CNBD1: variants seen among roughly 807,000 people sequenced by gnomAD.
CNBD1 encodes the protein cyclic nucleotide-binding domain-containing protein 1.
CNBD1 carries 71 observed loss-of-function variants against 54.4 expected under a neutral mutation model. The observed-to-expected ratio is 1.30, with a 90% CI of 1.08 to 1.59. CNBD1 has a LOEUF of 1.59. Ranked by LOEUF, CNBD1 falls within the 40% of genes most tolerant of loss-of-function variation. The pLI, the probability that CNBD1 is intolerant of heterozygous loss-of-function variation, is 0.00. For missense variants in CNBD1, 659 were observed against 518.0 expected, an observed-to-expected ratio of 1.27 and a Z score of -2.64; for synonymous variants, 182 against 170.7, an observed-to-expected ratio of 1.07 and a Z score of -0.51.
chr8:87,427,350 A>C (rs574965229), intron 2 of CNBD1, among the ~76,000 whole-genome samples: 1 of 152,180 alleles, frequency 6.6e-6, no homozygotes, highest in East Asian at 1.9e-4. Flanking sequence ...ATTAGTTTTC[A>C]AAATATTAAG....
chr8:87,158,143 A>C lies in CNBD1; in HGVS notation c.432-47850A>C, dbSNP rs185217586. On this transcript the variant is annotated intron_variant, in intron 4 of 10. Coordinates refer to ENST00000518476, the MANE Select transcript of CNBD1 (RefSeq NM_173538.3). ...AGAAGACACTCAATAAAGGGAGTCT[A>C]CCTTAGAGTTGAGCTGTCTTGAGTC... Among the ~76,000 whole-genome samples the C allele has an allele frequency of 1.8e-3, 279 of 152,258 alleles. 1 individual carries two copies. The highest frequency in any genetic ancestry group is 6.8e-3 in the Middle Eastern group (2 of 294).
At chr8:87,399,286 C>G (rs761586247) in intron 2 of CNBD1, among the ~76,000 whole-genome samples, 3 of 151,870 alleles carry the variant, frequency 2.0e-5, no homozygotes, top group Non-Finnish European at 1.5e-5. Flanking sequence ...CGTGAGGATA[C>G]CCAGCCATGG....
At chr8:86,908,529 T>A (rs927288806) in intron 3 of CNBD1, among the ~76,000 whole-genome samples, 19 of 152,170 alleles carry the variant, frequency 1.2e-4, no homozygotes, top group African/African-American at 4.6e-4. Context: ...GAGTTATGCA[T>A]TGAAAAAACT....
chr8:86,951,123 G>T (rs1253046517), intron 4 of CNBD1, among the ~76,000 whole-genome samples: 1 of 151,950 alleles, frequency 6.6e-6, no homozygotes, highest in Non-Finnish European at 1.5e-5. Flanking sequence ...TAAGTTTTCA[G>T]CACTTAGGAT....
intron 6 of CNBD1, among the ~76,000 whole-genome samples, chr8:87,261,790 TAC>T (rs1808144785): frequency 6.6e-6 from 1 of 152,120 alleles, no homozygotes. Context: ...AATATAGTAG[TAC>T]AGAGTCCTTC....
At chr8:87,313,667 T>G (rs1809320838) in intron 8 of CNBD1, among the ~76,000 whole-genome samples, 1 of 151,888 alleles carries the variant, frequency 6.6e-6, no homozygotes, top group Non-Finnish European at 1.5e-5. Flanking sequence ...GAAGATCTGA[T>G]ACATTACACT....
chr8:87,199,877 A>T (rs890021587), intron 4 of CNBD1, among the ~76,000 whole-genome samples: 35 of 152,162 alleles, frequency 2.3e-4, no homozygotes, highest in African/African-American at 8.2e-4. Context: ...CACTTATAAC[A>T]AAAATGACCA....
chr8:87,280,072 C>A (rs1808565600), intron 6 of CNBD1, among the ~76,000 whole-genome samples: 1 of 151,510 alleles, frequency 6.6e-6, no homozygotes, highest in Admixed American at 6.6e-5. Context: ...ACAGACCCAT[C>A]CCTCAGACAA....
chr8:86,973,686 AAGTTGACACATTGCTTT>A (rs1427337592), intron 4 of CNBD1, among the ~76,000 whole-genome samples: 2 of 152,190 alleles, frequency 1.3e-5, no homozygotes, highest in East Asian at 3.8e-4. Context: ...TTTTTGTAGC[AAGTTGACACATTGCTTT>A]TGTACTACCA....
At chr8:87,089,183 T>G (rs2130676804) in intron 4 of CNBD1, among the ~76,000 whole-genome samples, 1 of 152,140 alleles carries the variant, frequency 6.6e-6, no homozygotes. Context: ...GTCAATGGAA[T>G]TAGAGATTGA....
At chr8:87,074,985 T>C (rs888764972) in intron 4 of CNBD1, among the ~76,000 whole-genome samples, 26 of 152,314 alleles carry the variant, frequency 1.7e-4, no homozygotes, top group African/African-American at 6.3e-4. Context: ...ATCTGTCTTT[T>C]TGGAAAAAGT....
chr8:87,358,071 T>C (rs1810456603), intron 10 of CNBD1, among the ~76,000 whole-genome samples: 2 of 152,130 alleles, frequency 1.3e-5, no homozygotes, highest in African/African-American at 4.8e-5. Context: ...GAACAAAAGA[T>C]TCCCGAGGCC....
chr8:87,154,991 C>T (rs1432845903), intron 4 of CNBD1, among the ~76,000 whole-genome samples: 1 of 152,146 alleles, frequency 6.6e-6, no homozygotes, highest in Non-Finnish European at 1.5e-5. Context: ...CATTCCTCCT[C>T]TTGGAGTGTG....
intron 4 of CNBD1, among the ~76,000 whole-genome samples, chr8:87,136,960 G>A (rs183012121): frequency 0.2 from 6,342 of 31,926 alleles, 1,100 homozygotes; most frequent in Non-Finnish European, 0.22. Context: ...TATATTCTAT[G>A]TAAATTATAT....
intron 4 of CNBD1, among the ~76,000 whole-genome samples, chr8:86,954,608 C>T (rs1201038170): frequency 2.0e-5 from 3 of 152,126 alleles, no homozygotes; most frequent in South Asian, 4.1e-4. Flanking sequence ...ACTAAAGACA[C>T]ATTTTACTCT....
chr8:86,936,483 G>A (rs1373921677), intron 3 of CNBD1, among the ~76,000 whole-genome samples: 3 of 152,126 alleles, frequency 2.0e-5, no homozygotes, highest in Non-Finnish European at 4.4e-5. Context: ...GCTAACACCT[G>A]TAATCCCAGC....
intron 4 of CNBD1, among the ~76,000 whole-genome samples, chr8:87,074,683 CTT>C (rs1351243353): frequency 1.3e-5 from 2 of 152,134 alleles, no homozygotes; most frequent in Non-Finnish European, 2.9e-5. Flanking sequence ...AGTCAGGGCT[CTT>C]TTGGCTGTGT....
chr8:87,397,912 C>G lies in CNBD1; in HGVS notation c.214-30634C>G, dbSNP rs139671650. Among the ~76,000 whole-genome samples, 405 of 152,092 alleles carry G rather than the reference C, an allele frequency of 2.7e-3. 9 individuals carry two copies. Among genetic ancestry groups the G allele is most frequent in the East Asian group, 0.017 (90 of 5,148 alleles). On this transcript the variant is annotated intron_variant, in intron 2 of 7. Transcript: ENST00000521593. ...AAATGAGAGTTTCTCTGCACAAGCT[C>G]TCTCTTTGCCTGCTGCCATTCACGT...
intron 8 of CNBD1, among the ~76,000 whole-genome samples, chr8:87,287,473 G>T (rs1808720396): frequency 6.6e-6 from 1 of 152,182 alleles, no homozygotes; most frequent in African/African-American, 2.4e-5. Flanking sequence ...GGAAGAGGAA[G>T]TGTTTGAAAG....
Sources: gnomAD v4.1 joint callset for allele counts (sites outside exome capture counted in the v4.1 genomes callset) on GRCh38, gnomAD v4.1.1 for gene constraint, MANE v1.5 for transcripts, NCBI Gene and HGNC (gene_info 2026-07-23, HGNC 2026-07-21) for gene names.